Variants in INSL6 observed in about 807,000 individuals in gnomAD.
The protein encoded by INSL6 is insulin-like peptide INSL6.
In INSL6, 16 loss-of-function variants were observed where a neutral mutation model predicts 9.4. The ratio of observed to expected loss-of-function variants is 1.70; its 90% CI spans 1.15 to 2.59. The LOEUF (loss-of-function observed/expected upper bound fraction) is 2.59. Among genes scored for constraint, INSL6 ranks in the 30% most tolerant of loss-of-function variants. INSL6 has a pLI of 0.00. For synonymous variants in INSL6, 154 were observed against 96.9 expected (o/e 1.59, Z -3.46); for missense variants, 391 against 257.3 (o/e 1.52, Z -3.56).
exon 4 of INSL6, among the ~76,000 whole-genome samples, chr9:5,123,921 G>A (rs1823802229): frequency 1.3e-5 from 2 of 150,468 alleles, no homozygotes; most frequent in South Asian, 4.2e-4. Flanking sequence ...CTGGAATAAG[G>A]CATATCTCAT....
chr9:5,040,226 G>A, the INSL6 span, among the ~76,000 whole-genome samples: 3 of 152,018 alleles, frequency 2.0e-5, no homozygotes, highest in Non-Finnish European at 2.9e-5. Flanking sequence ...TAAACTAACA[G>A]TGCGGGGACA....
At position 5,185,522 on chromosome 9, in the gene INSL6, G is replaced by A. The variant is rs1825556186; in HGVS notation, c.81C>T (p.Ser27=). ...ACCTGCCGCACAGCTTCCTGGCACT[G>A]CTGATGTCGCTCAGTTCACGAGAAA... ...VRFSRELSDI[S]SARKLCGRYL... Residue 27 remains serine (S), a synonymous_variant, in exon 1 of 2, where the codon AGC becomes AGT. Coordinates refer to ENST00000381641, the MANE Select transcript of INSL6 (RefSeq NM_007179.3). 6.2e-7 allele frequency: 1 copy of A among 1,614,182 alleles called. No individual in the cohort carries two copies. The highest frequency in any genetic ancestry group is 1.1e-5 in the South Asian group (1 of 91,078).
At chr9:5,069,974 A>C in the INSL6 span, 3 of 1,607,650 alleles carry the variant, frequency 1.9e-6, no homozygotes. Flanking sequence ...CTGATGTACC[A>C]ACCTCACCAA....
the INSL6 span, chr9:5,112,764 C>G: frequency 1.6e-6 from 1 of 617,220 alleles, no homozygotes. Flanking sequence ...GAGAAGGTGT[C>G]GCGCGTGTTC....
At chr9:5,151,215 A>C (rs1385426308) in intron 2 of INSL6, among the ~76,000 whole-genome samples, 1 of 128,966 alleles carries the variant, frequency 7.8e-6, no homozygotes, top group African/African-American at 3.4e-5. Context: ...ATCTGCACTT[A>C]TACCCCCAAA....
At chr9:5,075,274 T>C in the INSL6 span, among the ~76,000 whole-genome samples, 5 of 152,326 alleles carry the variant, frequency 3.3e-5, no homozygotes, top group East Asian at 5.8e-4. Flanking sequence ...TTGATGAAGA[T>C]GGTGACACTA....
chr9:5,115,174 A>G, the INSL6 span, among the ~76,000 whole-genome samples: 4 of 152,172 alleles, frequency 2.6e-5, no homozygotes, highest in Admixed American at 2.0e-4. Context: ...ACCTGACAAA[A>G]GGCTAATATC....
intron 3 of INSL6, chr9:5,126,874 T>C (rs1586848982): frequency 1.5e-6 from 1 of 684,156 alleles, no homozygotes; most frequent in East Asian, 2.9e-5. Flanking sequence ...TATTATTACA[T>C]ATATCATTAT....
chr9:5,095,338 G>T, the INSL6 span, among the ~76,000 whole-genome samples: 2 of 151,886 alleles, frequency 1.3e-5, no homozygotes, highest in African/African-American at 4.8e-5. Context: ...AATAAATATA[G>T]TAGTTCTTAC....
the INSL6 span, among the ~76,000 whole-genome samples, chr9:5,048,067 A>AT: frequency 5.3e-5 from 8 of 152,046 alleles, no homozygotes; most frequent in Non-Finnish European, 1.0e-4. Flanking sequence ...CATTTTTCAT[A>AT]TATTTATTGT....
chr9:5,104,974 A>G, the INSL6 span, among the ~76,000 whole-genome samples: 1 of 152,216 alleles, frequency 6.6e-6, no homozygotes, highest in African/African-American at 2.4e-5. Flanking sequence ...CAAAAACTGG[A>G]AGCATTCCCT....
At chr9:5,068,923 T>C in the INSL6 span, 1 of 691,098 alleles carries the variant, frequency 1.4e-6, no homozygotes, top group Admixed American at 2.8e-5. Flanking sequence ...TTCAAATGTT[T>C]ATTCTGTTGC....
At chr9:5,125,305 C>T (rs924378687) in intron 3 of INSL6, among the ~76,000 whole-genome samples, 2 of 151,052 alleles carry the variant, frequency 1.3e-5, no homozygotes, top group African/African-American at 4.8e-5. Flanking sequence ...GCAGTTTGCT[C>T]TCCTTCTGTT....
chr9:5,119,457 G>A (rs1318881035), downstream of INSL6, among the ~76,000 whole-genome samples: 1 of 151,866 alleles, frequency 6.6e-6, no homozygotes, highest in Non-Finnish European at 1.5e-5. Flanking sequence ...AATTATATAA[G>A]CTTTGGGACC....
At chr9:5,061,529 T>G in the INSL6 span, among the ~76,000 whole-genome samples, 1 of 152,226 alleles carries the variant, frequency 6.6e-6, no homozygotes, top group African/African-American at 2.4e-5. Context: ...AGCTTCCAAC[T>G]TTTCTTCTGC....
the INSL6 span, among the ~76,000 whole-genome samples, chr9:5,028,198 G>T: frequency 2.0e-5 from 3 of 152,214 alleles, no homozygotes; most frequent in Non-Finnish European, 4.4e-5. Flanking sequence ...AATGGATGTT[G>T]TGTTAGCAGG....
chr9:5,162,175 T>C (rs768584960), downstream of INSL6, among the ~76,000 whole-genome samples: 5 of 152,116 alleles, frequency 3.3e-5, no homozygotes, highest in Non-Finnish European at 7.4e-5. Context: ...CACTAACAAG[T>C]AACTTAACAT....
At chr9:5,007,203 CATT>C in the INSL6 span, among the ~76,000 whole-genome samples, 5 of 151,952 alleles carry the variant, frequency 3.3e-5, no homozygotes, top group Admixed American at 2.6e-4. Flanking sequence ...TATTTAATAA[CATT>C]GTTCAGCCTT....
At chr9:5,072,499 G>A in the INSL6 span, 2 of 1,575,500 alleles carry the variant, frequency 1.3e-6, no homozygotes, top group African/African-American at 2.7e-5. Flanking sequence ...AAGAATGAAA[G>A]CCTTGGCCAA....
Sources: allele counts gnomAD v4.1 joint callset (sites outside exome capture counted in the v4.1 genomes callset), GRCh38; gene constraint gnomAD v4.1.1; transcripts MANE v1.5; gene names NCBI Gene and HGNC (gene_info 2026-07-23, HGNC 2026-07-21).